The following MAPK10 variants were observed in gnomAD, a reference collection of about 807,000 sequenced individuals.
The protein encoded by MAPK10 is JNK3 alpha protein kinase.
MAPK10 carries 25 observed loss-of-function variants against 59.3 expected under a neutral mutation model. That is an observed-to-expected ratio of 0.42 (90% CI 0.31 to 0.59). The LOEUF is 0.59. Among genes scored for constraint, MAPK10 ranks in the 20% least tolerant of loss-of-function variants. MAPK10 has a pLI of 0.15. For missense variants in MAPK10, 351 were observed against 568.9 expected (o/e 0.62, Z 3.90); for synonymous variants, 190 against 200.5 (o/e 0.95, Z 0.44).
intron 1 of MAPK10, among the ~76,000 whole-genome samples, chr4:86,545,135 T>C (rs1759045329): frequency 6.6e-6 from 1 of 152,198 alleles, no homozygotes; most frequent in Non-Finnish European, 1.5e-5. Flanking sequence ...CCCATGTGTG[T>C]ATCAACATAA....
At chr4:86,085,185 G>T (rs897144777) in intron 9 of MAPK10, among the ~76,000 whole-genome samples, 2 of 152,082 alleles carry the variant, frequency 1.3e-5, no homozygotes, top group Non-Finnish European at 2.9e-5. Context: ...ACAGTGGTCA[G>T]GGCAAAAATT....
chr4:86,583,818 T>A (rs1762474703), intron 1 of MAPK10, among the ~76,000 whole-genome samples: 1 of 152,170 alleles, frequency 6.6e-6, no homozygotes, highest in South Asian at 2.1e-4. Context: ...CCAAAGTAGG[T>A]AACAGTGCTT....
chr4:86,505,564 G>C (rs1455167825), intron 1 of MAPK10, among the ~76,000 whole-genome samples: 1 of 152,056 alleles, frequency 6.6e-6, no homozygotes, highest in Non-Finnish European at 1.5e-5. Context: ...TTCAGCCTGG[G>C]CAACAGAGTG....
chr4:86,568,172 G>A (rs1761200536), intron 1 of MAPK10, among the ~76,000 whole-genome samples: 2 of 152,076 alleles, frequency 1.3e-5, no homozygotes, highest in South Asian at 4.1e-4. Flanking sequence ...TGAGAACCAA[G>A]TCAGAACTCA....
chr4:86,329,937 T>C (rs192806387), intron 2 of MAPK10, among the ~76,000 whole-genome samples: 139 of 152,316 alleles, frequency 9.1e-4, no homozygotes, highest in Admixed American at 3.0e-3. Context: ...GGGATAAAGA[T>C]GGGCAGAGGC....
chr4:86,379,779 T>C (rs1023605149), intron 1 of MAPK10, among the ~76,000 whole-genome samples: 4 of 152,214 alleles, frequency 2.6e-5, no homozygotes, highest in African/African-American at 7.2e-5. Flanking sequence ...AATAAATACA[T>C]GGGTAAATCT....
intron 1 of MAPK10, among the ~76,000 whole-genome samples, chr4:86,439,226 T>C (rs1248853522): frequency 6.6e-6 from 1 of 152,186 alleles, no homozygotes; most frequent in Non-Finnish European, 1.5e-5. Context: ...ATTTATCAGT[T>C]CTCTTACCCT....
intron 3 of MAPK10, among the ~76,000 whole-genome samples, chr4:86,183,848 A>G (rs529458906): frequency 3.7e-4 from 56 of 152,270 alleles, no homozygotes; most frequent in African/African-American, 1.0e-3. Context: ...GGTGTGAGAC[A>G]GTATCTCATT....
At chr4:86,457,341 C>T (rs1751326499), upstream of MAPK10, among the ~76,000 whole-genome samples, 1 of 152,094 alleles carries the variant, frequency 6.6e-6, no homozygotes, top group African/African-American at 2.4e-5. Flanking sequence ...AAAGGGCATC[C>T]CAATTGGTAA....
chr4:86,014,484 T>A lies in MAPK10; in HGVS notation c.*2744A>T, dbSNP rs1260627759. On this transcript the variant is annotated 3_prime_UTR_variant, in exon 14 of 14. Transcript: ENST00000641462. Reference sequence around the variant, plus strand: ...TTACAGTGGTGATTCTCTTTGTTGTTCCATCATCTGCCTTGCTTTAATCAC... The same window carrying A: ...TTACAGTGGTGATTCTCTTTGTTGTACCATCATCTGCCTTGCTTTAATCAC... The A allele has an allele frequency of 6.6e-6, 1 of 152,178 alleles. No homozygotes were observed. The highest frequency in any genetic ancestry group is 1.5e-5 in the Non-Finnish European group (1 of 68,048). The allele number at this position is 152,178 out of a possible 1,614,324, so 9.4% of individuals were successfully genotyped here.
At chr4:86,353,430 C>T (rs1695612133) in intron 2 of MAPK10, among the ~76,000 whole-genome samples, 1 of 152,096 alleles carries the variant, frequency 6.6e-6, no homozygotes, top group African/African-American at 2.4e-5. Context: ...GGGAGTAACA[C>T]ATAATATATT....
intron 1 of MAPK10, among the ~76,000 whole-genome samples, chr4:86,399,018 C>G (rs1029291784): frequency 8.5e-5 from 13 of 152,276 alleles, no homozygotes; most frequent in African/African-American, 2.9e-4. Flanking sequence ...TGCTGGGCAC[C>G]TGGGTTGATT....
At chr4:86,038,845 T>C (rs986218953) in intron 11 of MAPK10, among the ~76,000 whole-genome samples, 5 of 152,172 alleles carry the variant, frequency 3.3e-5, no homozygotes, top group Admixed American at 3.3e-4. Flanking sequence ...TGCACAATTA[T>C]CAAAAGAATT....
intron 1 of MAPK10, among the ~76,000 whole-genome samples, chr4:86,476,324 C>A (rs916184626): frequency 5.3e-5 from 8 of 152,166 alleles, no homozygotes; most frequent in Non-Finnish European, 1.0e-4. Context: ...CCCAGTCCAG[C>A]TTACAGTTTC....
intron 1 of MAPK10, among the ~76,000 whole-genome samples, chr4:86,438,385 C>T (rs904519381): frequency 1.3e-5 from 2 of 152,114 alleles, no homozygotes; most frequent in South Asian, 4.2e-4. Context: ...AAGCATCTGC[C>T]AAGACATGAT....
At chr4:86,238,475 A>G (rs2148680200) in intron 2 of MAPK10, among the ~76,000 whole-genome samples, 1 of 152,290 alleles carries the variant, frequency 6.6e-6, no homozygotes, top group East Asian at 1.9e-4. Flanking sequence ...ATTCCTTTCC[A>G]TGAGGATGGA....
chr4:86,264,296 G>T (rs1472862778), intron 2 of MAPK10, among the ~76,000 whole-genome samples: 6 of 152,168 alleles, frequency 3.9e-5, no homozygotes, highest in African/African-American at 1.4e-4. Flanking sequence ...TGGCACAGTT[G>T]CCATTCCAAA....
chr4:86,185,059 A>G (rs779589412), intron 3 of MAPK10, among the ~76,000 whole-genome samples: 14 of 152,072 alleles, frequency 9.2e-5, no homozygotes, highest in Non-Finnish European at 2.1e-4. Context: ...TAACATAAAT[A>G]CTCCGATCAT....
chr4:86,232,416 C>A (rs2091686125), intron 2 of MAPK10, among the ~76,000 whole-genome samples: 1 of 151,672 alleles, frequency 6.6e-6, no homozygotes, highest in South Asian at 2.1e-4. Context: ...CTCTGTAGCC[C>A]AGGCTAGAGT....
Sources: allele counts gnomAD v4.1 joint callset (sites outside exome capture counted in the v4.1 genomes callset), GRCh38; gene constraint gnomAD v4.1.1; transcripts MANE v1.5; gene names NCBI Gene and HGNC (gene_info 2026-07-23, HGNC 2026-07-21).